The following KLHL29 variants were observed in gnomAD, a reference collection of about 807,000 sequenced individuals.
The protein encoded by KLHL29 is kelch like family member 29.
KLHL29 carries 21 observed loss-of-function variants against 80.4 expected under a neutral mutation model. The ratio of observed to expected loss-of-function variants is 0.26; its 90% CI spans 0.19 to 0.38. KLHL29 has a LOEUF of 0.38. Ranked by LOEUF, KLHL29 falls within the 10% of genes least tolerant of loss-of-function variation. The pLI is 1.00. For synonymous variants in KLHL29, 511 were observed against 526.8 expected (o/e 0.97, Z 0.41); for missense variants, 867 against 1,223.9 (o/e 0.71, Z 4.35).
intron 2 of KLHL29, among the ~76,000 whole-genome samples, chr2:23,476,928 G>A (rs1306545218): frequency 6.6e-6 from 1 of 152,260 alleles, no homozygotes; most frequent in Non-Finnish European, 1.5e-5. Flanking sequence ...AGGCAAGGAG[G>A]CCTGGAGCTG....
chr2:23,522,650 A>G lies in KLHL29; in HGVS notation c.-45-39502A>G, dbSNP rs1299320641. Among the ~76,000 whole-genome samples the G allele has an allele frequency of 2.0e-5, 3 of 152,246 alleles. No individual in the cohort carries two copies. In the East Asian group the frequency reaches 5.8e-4, roughly 29 times the overall value. On this transcript the variant is annotated intron_variant, in intron 2 of 13. Transcript: ENST00000486442. ...GGTCTTTTGGGTTCTCTTCCCACAA[A>G]GTAGGCTGGTAGCCTTGAGTATGAG...
At chr2:23,584,835 C>T (rs1558397805) in intron 3 of KLHL29, among the ~76,000 whole-genome samples, 1 of 152,216 alleles carries the variant, frequency 6.6e-6, no homozygotes, top group African/African-American at 2.4e-5. Flanking sequence ...CTCCCAGGTT[C>T]AAGCGGTTCT....
chr2:23,690,440 G>A (rs1440496042), intron 6 of KLHL29: 1 of 152,218 alleles, frequency 6.6e-6, no homozygotes, highest in Non-Finnish European at 1.5e-5. Context: ...GCCTCTCTGC[G>A]GCCAGCCTGC....
At chr2:23,673,421 C>T (rs1191704698) in intron 5 of KLHL29, among the ~76,000 whole-genome samples, 3 of 150,116 alleles carry the variant, frequency 2.0e-5, no homozygotes, top group Non-Finnish European at 4.4e-5. Context: ...CATACAGGCA[C>T]GTACACACCC....
At position 23,706,472 on chromosome 2, in the gene KLHL29, C is replaced by A. The variant is rs904947973; in HGVS notation, c.2445-9C>A. Reference sequence around the variant, plus strand: ...AATGCCTAACTCTGTCCCCGCTTTCCCCCAACAGTGCTGTGGTGCTTGATG... The same window carrying A: ...AATGCCTAACTCTGTCCCCGCTTTCACCCAACAGTGCTGTGGTGCTTGATG... On this transcript the variant is annotated splice_polypyrimidine_tract_variant and intron_variant, in intron 13 of 13. Transcript: ENST00000486442. 1.4e-6 allele frequency: 2 copies of A among 1,478,944 alleles called. No individual in the cohort carries two copies. The highest frequency in any genetic ancestry group is 4.7e-5 in the Admixed American group (2 of 42,490). 91.6% of individuals were successfully genotyped at this position (1,478,944 alleles called of 1,614,324 possible).
rs556053496 is a variant in KLHL29 at position 23,579,522 on chromosome 2, C to G, written c.285+17041C>G. Among the ~76,000 whole-genome samples the G allele has an allele frequency of 2.6e-5, 4 of 152,226 alleles. No individual in the cohort carries two copies. The South Asian group carries it at 6.2e-4, about 24-fold the overall frequency. On this transcript the variant is annotated intron_variant, in intron 3 of 13. Transcript: ENST00000486442. ...CATGACTCTTCCCTCCCTCGCCATC[C>G]TCATTACTACCCATCAGTGAGCTGA...
chr2:23,509,311 G>T (rs1353591602), intron 2 of KLHL29, among the ~76,000 whole-genome samples: 1 of 152,222 alleles, frequency 6.6e-6, no homozygotes, highest in Non-Finnish European at 1.5e-5. Flanking sequence ...GTGCTGTAAT[G>T]TGGGTGGGGT....
At chr2:23,620,940 G>A (rs1669164678) in intron 3 of KLHL29, among the ~76,000 whole-genome samples, 2 of 152,250 alleles carry the variant, frequency 1.3e-5, no homozygotes, top group Admixed American at 6.5e-5. Flanking sequence ...TTCTACCCAC[G>A]GGGATGACCC....
intron 2 of KLHL29, among the ~76,000 whole-genome samples, chr2:23,517,413 C>T (rs114881057): frequency 2.4e-4 from 36 of 152,256 alleles, no homozygotes; most frequent in African/African-American, 7.9e-4. Flanking sequence ...CCTGGTGGCA[C>T]GCACCTGTAG....
At chr2:23,601,402 C>T (rs1668568843) in intron 3 of KLHL29, among the ~76,000 whole-genome samples, 1 of 152,154 alleles carries the variant, frequency 6.6e-6, no homozygotes, top group South Asian at 2.1e-4. Context: ...ATGGCAGTTA[C>T]AGGAGTTGAA....
At position 23,513,603 on chromosome 2, in the gene KLHL29, C is replaced by T. The variant is rs181534531; in HGVS notation, c.-46+37936C>T. 2.0e-5 allele frequency among the ~76,000 whole-genome samples: 3 copies of T among 152,318 alleles called. No individual in the cohort carries two copies. In the East Asian group the frequency reaches 5.8e-4, roughly 29 times the overall value. ...ACCTGAGTACTAACTAAGGCCTGAGCAGGTAAGCTGAACCGCTTGACGTGA... is the reference window on the plus strand; with the variant it reads ...ACCTGAGTACTAACTAAGGCCTGAGTAGGTAAGCTGAACCGCTTGACGTGA... On this transcript the variant is annotated intron_variant, in intron 2 of 13. Transcript: ENST00000486442.
intron 3 of KLHL29, among the ~76,000 whole-genome samples, chr2:23,579,437 CCTT>C (rs1468937814): frequency 6.6e-6 from 1 of 152,136 alleles, no homozygotes; most frequent in African/African-American, 2.4e-5. Context: ...CAAAGCTGTG[CCTT>C]CTTCTGCATG....
At chr2:23,701,530 T>C (rs143430187) in intron 11 of KLHL29, among the ~76,000 whole-genome samples, 5,041 of 152,188 alleles carry the variant, frequency 0.033, 101 homozygotes, top group South Asian at 0.087. Flanking sequence ...CTGGGCAACA[T>C]AGGGAGACCT....
chr2:23,620,373 A>C (rs1669141298), intron 3 of KLHL29, among the ~76,000 whole-genome samples: 1 of 152,212 alleles, frequency 6.6e-6, no homozygotes, highest in African/African-American at 2.4e-5. Context: ...GAACAGATTC[A>C]GATAGACACC....
intron 1 of KLHL29, among the ~76,000 whole-genome samples, chr2:23,444,462 T>C (rs1187171352): frequency 1.3e-5 from 2 of 152,098 alleles, no homozygotes; most frequent in Non-Finnish European, 2.9e-5. Flanking sequence ...GTGGCTGAGA[T>C]TACAGGCGCC....
chr2:23,503,217 C>T lies in KLHL29; in HGVS notation c.-46+27550C>T, dbSNP rs2103456245. Among the ~76,000 whole-genome samples the T allele has an allele frequency of 6.6e-6, 1 of 152,258 alleles. No individual in the cohort carries two copies. The highest frequency in any genetic ancestry group is 2.1e-4 in the South Asian group (1 of 4,816). On this transcript the variant is annotated intron_variant, in intron 2 of 13. Transcript: ENST00000486442. This position sits in a 1 kb window ranked among gnomAD's most constrained non-coding sequence, Gnocchi z 4.0. Reference sequence around the variant, plus strand: ...CTGCTGTCCTGTGAAGTAGACCTGGCAGGGGATGGCTGCTCCGGGCTGGCC... The same window carrying T: ...CTGCTGTCCTGTGAAGTAGACCTGGTAGGGGATGGCTGCTCCGGGCTGGCC...
chr2:23,550,458 T>C (rs933247704), intron 2 of KLHL29, among the ~76,000 whole-genome samples: 2 of 152,226 alleles, frequency 1.3e-5, no homozygotes, highest in Non-Finnish European at 2.9e-5. Flanking sequence ...TCCTGCTCAC[T>C]GAAGTGGCTG....
rs182287085 is a variant in KLHL29, at chr2:23,464,911, A to G, written c.-153-10649A>G. Among the ~76,000 whole-genome samples, 312 of 152,296 alleles carry G rather than the reference A, an allele frequency of 2.0e-3. 2 individuals carry two copies. The highest frequency in any genetic ancestry group is 6.6e-3 in the African/African-American group (273 of 41,554). On this transcript the variant is annotated intron_variant, in intron 1 of 13. Coordinates refer to ENST00000486442, the MANE Select transcript of KLHL29 (RefSeq NM_052920.2). ...GCTGTATTTAAAATGCCCATAATCA[A>G]TGCTCTCATTCTGAGCATGTATCTA...
intron 3 of KLHL29, among the ~76,000 whole-genome samples, chr2:23,591,551 C>T (rs1003967850): frequency 6.6e-6 from 1 of 151,386 alleles, no homozygotes; most frequent in Admixed American, 6.6e-5. Flanking sequence ...CTGCTCCTTA[C>T]CCCCCACAGC....
Sources: gnomAD v4.1 joint callset for allele counts (sites outside exome capture counted in the v4.1 genomes callset) on GRCh38, gnomAD v4.1.1 for gene constraint, Gnocchi (gnomAD v3.1) non-coding constraint, MANE v1.5 for transcripts, NCBI Gene and HGNC (gene_info 2026-07-23, HGNC 2026-07-21) for gene names.